Variants in HAUS2 observed in about 807,000 individuals in gnomAD.
HAUS2 encodes HAUS augmin-like complex subunit 2.
HAUS2 carries 20 observed loss-of-function variants against 21.6 expected under a neutral mutation model. The observed-to-expected ratio is 0.93, with a 90% CI of 0.65 to 1.35. HAUS2 has a LOEUF of 1.35. Ranked by LOEUF, HAUS2 falls within the 40% of genes most tolerant of loss-of-function variation. The pLI is 0.00. For missense variants in HAUS2, 297 were observed against 280.7 expected, an observed-to-expected ratio of 1.06 and a Z score of -0.42; for synonymous variants, 113 against 95.6, an observed-to-expected ratio of 1.18 and a Z score of -1.06.
chr15:42,556,122 ATT>A (rs760982814), intron 1 of HAUS2, among the ~76,000 whole-genome samples: 38 of 133,458 alleles, frequency 2.8e-4, no homozygotes, highest in Admixed American at 3.0e-4. Context: ...CGCCTGGCTA[ATT>A]TTTTTTTTTT....
At chr15:42,552,646 G>A (rs1253473860) in intron 1 of HAUS2, among the ~76,000 whole-genome samples, 2 of 152,080 alleles carry the variant, frequency 1.3e-5, no homozygotes, top group Admixed American at 1.3e-4. Flanking sequence ...TGCTTTAGTG[G>A]CCTTACATTC....
rs755514138 is a variant in HAUS2 at position 42,558,172 on chromosome 15, T to C, written c.94-26T>C. ...CTAGAAACTTTTTGTGACATTCTGC[T>C]ACTTTCCTTATTCATTTACCAATAG... On this transcript the variant is annotated intron_variant, in intron 1 of 5. Transcript: ENST00000260372. 1.5e-5 allele frequency: 15 copies of C among 987,508 alleles called. No individual in the cohort carries two copies. In the South Asian group the frequency reaches 2.1e-4, roughly 14 times the overall value. The allele number at this position is 987,508 out of a possible 1,614,324, so 61.2% of individuals were successfully genotyped here.
chr15:42,555,075 C>T (rs979469109), intron 1 of HAUS2, among the ~76,000 whole-genome samples: 4 of 150,992 alleles, frequency 2.6e-5, no homozygotes, highest in East Asian at 2.0e-4. Context: ...CTGCAACCTT[C>T]GCCTCCTGGG....
intron 1 of HAUS2, among the ~76,000 whole-genome samples, chr15:42,552,293 G>A (rs921683787): frequency 4.6e-5 from 7 of 152,126 alleles, no homozygotes; most frequent in Middle Eastern, 6.8e-3. Context: ...CAAAGTGCCG[G>A]GATTACAGGC....
chr15:42,552,659 G>C (rs527839206), intron 1 of HAUS2, among the ~76,000 whole-genome samples: 3 of 152,126 alleles, frequency 2.0e-5, no homozygotes, highest in African/African-American at 4.8e-5. Flanking sequence ...TTACATTCTA[G>C]ATATTTTTCC....
Position 42,569,184 on chromosome 15 carries a change from CTT to C in HAUS2, c.*2372_*2373del, listed in dbSNP as rs1010943709. ...ACTAACAACTGCCTCAGGATATACT[CTT>C]TTTAATCAGTATTGTAACTAACCTT... On this transcript the variant is annotated 3_prime_UTR_variant, in exon 6 of 6. Coordinates refer to ENST00000260372, the MANE Select transcript of HAUS2 (RefSeq NM_018097.3). The C allele has an allele frequency of 5.9e-5, 9 of 151,792 alleles. No individual in the cohort carries two copies. The highest frequency in any genetic ancestry group is 4.2e-4 in the South Asian group (2 of 4,816). The allele number at this position is 151,792 out of a possible 1,614,324, so 9.4% of individuals were successfully genotyped here.
At position 42,568,291 on chromosome 15, in the gene HAUS2, GGT is replaced by G. The variant is rs1237333397; in HGVS notation, c.*1479_*1480del. 1 of 152,244 alleles carries G rather than the reference GGT, an allele frequency of 6.6e-6. No individual in the cohort carries two copies. The highest frequency in any genetic ancestry group is 1.9e-4 in the East Asian group (1 of 5,202). The allele number at this position is 152,244 out of a possible 1,614,324, so 9.4% of individuals were successfully genotyped here. Reference sequence around the variant, plus strand: ...TGAACAGAAGTTTATTTGGTTGACAGGTGTGGAGGCTAGGCAGTCCAAGAACA... The same window carrying G: ...TGAACAGAAGTTTATTTGGTTGACAGGTGGAGGCTAGGCAGTCCAAGAACA... On this transcript the variant is annotated 3_prime_UTR_variant, in exon 6 of 6. Transcript: ENST00000260372.
At chr15:42,556,016 G>A (rs948018471) in intron 1 of HAUS2, among the ~76,000 whole-genome samples, 2 of 151,584 alleles carry the variant, frequency 1.3e-5, no homozygotes, top group African/African-American at 2.4e-5. Context: ...GCGCGATCTC[G>A]GCTCACTGCA....
At chr15:42,554,569 C>T (rs2057753738) in intron 1 of HAUS2, among the ~76,000 whole-genome samples, 1 of 151,122 alleles carries the variant, frequency 6.6e-6, no homozygotes, top group Non-Finnish European at 1.5e-5. Flanking sequence ...CAGCTTACTG[C>T]AGCCTCAGCC....
chr15:42,552,138 T>C (rs966150210), intron 1 of HAUS2, among the ~76,000 whole-genome samples: 1 of 152,114 alleles, frequency 6.6e-6, no homozygotes, highest in African/African-American at 2.4e-5. Flanking sequence ...TTCTCCTGCC[T>C]CAGCTTCCTG....
At position 42,566,929 on chromosome 15, in the gene HAUS2, T is replaced by C; in HGVS notation, c.*113T>C. ...GCTGGTAATACTGAAAGAACCTGCTTTATATTGGAGTATCAAGATCTCAGG... is the reference window on the plus strand; with the variant it reads ...GCTGGTAATACTGAAAGAACCTGCTCTATATTGGAGTATCAAGATCTCAGG... On this transcript the variant is annotated 3_prime_UTR_variant, in exon 6 of 6. Coordinates refer to ENST00000260372, the MANE Select transcript of HAUS2 (RefSeq NM_018097.3). 1.6e-6 allele frequency: 1 copy of C among 609,280 alleles called. No homozygotes were observed. The highest frequency in any genetic ancestry group is 2.0e-5 in the South Asian group (1 of 49,374). 37.7% of individuals were successfully genotyped at this position (609,280 alleles called of 1,614,324 possible). A position where few individuals can be genotyped will look rare whatever the true frequency, so the allele number is the denominator to read the frequency against.
intron 1 of HAUS2, among the ~76,000 whole-genome samples, chr15:42,555,972 A>C (rs1412602880): frequency 6.6e-6 from 1 of 151,968 alleles, no homozygotes; most frequent in East Asian, 1.9e-4. Flanking sequence ...TTTAAGACGG[A>C]GTTTCGCTCT....
In HAUS2 at chr15:42,563,858, G is replaced by A. The variant is rs774999099; in HGVS notation, c.498+1G>A. The A allele has an allele frequency of 7.6e-7, 1 of 1,322,924 alleles. No homozygotes were observed. The highest frequency in any genetic ancestry group is 1.8e-5 in the Admixed American group (1 of 55,688). The allele number at this position is 1,322,924 out of a possible 1,614,324, so 81.9% of individuals were successfully genotyped here. On this transcript the variant is annotated splice_donor_variant, in intron 5 of 5. Coordinates refer to ENST00000260372, the MANE Select transcript of HAUS2 (RefSeq NM_018097.3). LOFTEE classifies it high-confidence loss of function. ...TTTAGCTGCAAATCTAAAGAAAATG[G>A]TGAGTATTAATATAGCAATCTTCAG...
chr15:42,562,881 G>C (rs2057865422), intron 4 of HAUS2, among the ~76,000 whole-genome samples: 1 of 152,166 alleles, frequency 6.6e-6, no homozygotes, highest in African/African-American at 2.4e-5. Flanking sequence ...GGCCAAGATG[G>C]GTTGATCACT....
In HAUS2 at chr15:42,569,889, GTGTGTA is replaced by G. The variant is rs963754395; in HGVS notation, c.*3083_*3088del. The G allele has an allele frequency of 1.4e-4, 22 of 152,142 alleles. No individual in the cohort carries two copies. Among genetic ancestry groups the G allele is most frequent in the African/African-American group, 5.3e-4 (22 of 41,502 alleles). 9.4% of individuals were successfully genotyped at this position (152,142 alleles called of 1,614,324 possible). A position where few individuals can be genotyped will look rare whatever the true frequency, so the allele number is the denominator to read the frequency against. On this transcript the variant is annotated 3_prime_UTR_variant, in exon 6 of 6. Coordinates refer to ENST00000260372, the MANE Select transcript of HAUS2 (RefSeq NM_018097.3). Reference sequence around the variant, plus strand: ...CGTGTTATTTCCTATATTCATTTTTGTGTGTATGTGTATGTCACAAATATTGATATG... The same window carrying G: ...CGTGTTATTTCCTATATTCATTTTTGTGTGTATGTCACAAATATTGATATG...
At chr15:42,562,234 GTA>G (rs1281294471) in intron 4 of HAUS2, among the ~76,000 whole-genome samples, 1 of 152,118 alleles carries the variant, frequency 6.6e-6, no homozygotes, top group African/African-American at 2.4e-5. Flanking sequence ...AAGCAAATCA[GTA>G]TCTTAAGTGT....
rs1392452970 is a variant in HAUS2, at chr15:42,548,877, C to G, written c.5C>G (p.Ala2Gly). The G allele has an allele frequency of 6.5e-7, 1 of 1,548,942 alleles. No individual in the cohort carries two copies. ...CGCGGAAGGTGCGTCCGAGCCATGG[C>G]CGCTGCCAACCCGTGGGACCCGGCG... is the stretch of plus-strand genomic sequence containing the variant. Reference protein sequence around the residue: MAAANPWDPASA... With the variant: MGAANPWDPASA... Residue 2 changes from alanine (A) to glycine (G), a missense_variant, in exon 1 of 6, where the codon GCC becomes GGC. Transcript: ENST00000260372.
chr15:42,558,397 G>A (rs556936041), intron 2 of HAUS2, 107 bp downstream of exon 2: 8 of 556,744 alleles, frequency 1.4e-5, no homozygotes, highest in African/African-American at 1.0e-4. Flanking sequence ...GCACAATCTC[G>A]GCTCACTGCA....
At chr15:42,555,312 T>C (rs2057761611) in intron 1 of HAUS2, among the ~76,000 whole-genome samples, 1 of 151,976 alleles carries the variant, frequency 6.6e-6, no homozygotes, top group South Asian at 2.1e-4. Context: ...TAATTTTTTG[T>C]AGAGACAGGG....
Sources: allele counts gnomAD v4.1 joint callset (sites outside exome capture counted in the v4.1 genomes callset), GRCh38; gene constraint gnomAD v4.1.1; transcripts MANE v1.5; gene names NCBI Gene and HGNC (gene_info 2026-07-23, HGNC 2026-07-21).